The following CDH12 variants were observed in gnomAD, a reference collection of about 807,000 sequenced individuals.
CDH12 encodes the protein cadherin 12.
Under a neutral mutation model 74.1 loss-of-function variants are expected in CDH12, and 41 were observed. That is an observed-to-expected ratio of 0.55 (90% CI 0.43 to 0.72). The LOEUF (loss-of-function observed/expected upper bound fraction) is 0.72. Among genes scored for constraint, CDH12 ranks in the 30% least tolerant of loss-of-function variants. The probability of loss-of-function intolerance (pLI) is 0.00; values close to 1 mark genes in which losing one functional copy is unlikely to be tolerated. For missense variants in CDH12, 945 were observed against 977.2 expected, an observed-to-expected ratio of 0.97 and a Z score of 0.44; for synonymous variants, 399 against 355.0, an observed-to-expected ratio of 1.12 and a Z score of -1.39.
In CDH12 at chr5:22,301,593, A is replaced by G. The variant is rs532631646; in HGVS notation, c.-332-88950T>C. Among the ~76,000 whole-genome samples, 84 of 152,276 alleles carry G rather than the reference A, an allele frequency of 5.5e-4. 1 individual carries two copies. In the South Asian group the frequency reaches 0.017, roughly 31 times the overall value. On this transcript the variant is annotated intron_variant, in intron 3 of 14. Coordinates refer to ENST00000382254, the MANE Select transcript of CDH12 (RefSeq NM_004061.5). ...CCCAATTTTATAATAATGGAAATTT[A>G]GTAACCACCTAAAACAAACATTTTT...
intron 1 of CDH12, among the ~76,000 whole-genome samples, chr5:22,806,316 GTC>G (rs1398944913): frequency 1.3e-5 from 2 of 149,184 alleles, no homozygotes; most frequent in Non-Finnish European, 3.0e-5. Flanking sequence ...CATCTCCAGT[GTC>G]TGTTGTTTTC....
rs944199730 is a variant in CDH12 at position 21,996,770 on chromosome 5, C to A, written c.232-21385G>T. Among the ~76,000 whole-genome samples the A allele has an allele frequency of 1.1e-4, 16 of 152,214 alleles. No individual in the cohort carries two copies. In the East Asian group the frequency reaches 2.9e-3, roughly 28 times the overall value. On this transcript the variant is annotated intron_variant, in intron 5 of 14. Coordinates refer to ENST00000382254, the MANE Select transcript of CDH12 (RefSeq NM_004061.5). ...AAAATACATTACATTAAATGGATTTCATATGTAAATGTGTTACCGCATTTA... is the reference window on the plus strand; with the variant it reads ...AAAATACATTACATTAAATGGATTTAATATGTAAATGTGTTACCGCATTTA...
intron 3 of CDH12, among the ~76,000 whole-genome samples, chr5:22,314,844 T>C (rs1738543874): frequency 6.6e-6 from 1 of 151,460 alleles, no homozygotes; most frequent in Admixed American, 6.6e-5. Context: ...GAATAGGTTA[T>C]TATTTTTTTT....
rs373786260 is a variant in CDH12, at chr5:22,645,902, A to G, written c.-522-140538T>C. ...TATGTACATTTTTAGACATAATACT[A>G]TTGCATACATAATAAATTACAGTAT... On this transcript the variant is annotated intron_variant, in intron 1 of 14. Transcript: ENST00000382254. Among the ~76,000 whole-genome samples the G allele has an allele frequency of 2.9e-4, 44 of 152,030 alleles. No homozygotes were observed. In the South Asian group the frequency reaches 8.9e-3, roughly 31 times the overall value.
chr5:21,990,239 T>A (rs902928707), intron 5 of CDH12, among the ~76,000 whole-genome samples: 1 of 152,146 alleles, frequency 6.6e-6, no homozygotes, highest in African/African-American at 2.4e-5. Context: ...TATAAAGGAA[T>A]GAATGCATGC....
chr5:22,819,122 C>T (rs1749539608), intron 1 of CDH12, among the ~76,000 whole-genome samples: 1 of 152,088 alleles, frequency 6.6e-6, no homozygotes, highest in African/African-American at 2.4e-5. Flanking sequence ...AGGCCAATAA[C>T]TATGTGGTAT....
intron 6 of CDH12, among the ~76,000 whole-genome samples, chr5:21,946,241 C>G (rs1755573378): frequency 6.6e-6 from 1 of 152,046 alleles, no homozygotes; most frequent in African/African-American, 2.4e-5. Flanking sequence ...GTGTTGCTAA[C>G]AAACTTACCT....
At chr5:22,480,660 A>G (rs909015716) in intron 2 of CDH12, among the ~76,000 whole-genome samples, 1 of 152,040 alleles carries the variant, frequency 6.6e-6, no homozygotes, top group African/African-American at 2.4e-5. Context: ...AAAGTGCACA[A>G]TCTTAACCCT....
At chr5:22,810,969 A>ATATATACATATATACTTACC (rs1215653098) in intron 1 of CDH12, among the ~76,000 whole-genome samples, 1 of 151,914 alleles carries the variant, frequency 6.6e-6, no homozygotes, top group African/African-American at 2.4e-5. Flanking sequence ...ATATACTTAC[A>ATATATACATATATACTTACC]TATATACATA....
chr5:21,902,352 C>T (rs764356115), intron 6 of CDH12, among the ~76,000 whole-genome samples: 6 of 151,764 alleles, frequency 4.0e-5, no homozygotes, highest in Non-Finnish European at 5.9e-5. Context: ...CTCTCTGTCT[C>T]ACTCACTGTC....
intron 10 of CDH12, among the ~76,000 whole-genome samples, chr5:21,791,183 T>C (rs1746477640): frequency 6.6e-6 from 1 of 152,068 alleles, no homozygotes; most frequent in African/African-American, 2.4e-5. Context: ...CAGTGCTCTG[T>C]CTATATGTGA....
intron 6 of CDH12, among the ~76,000 whole-genome samples, chr5:21,935,649 T>G (rs1285292998): frequency 2.0e-5 from 3 of 152,250 alleles, no homozygotes; most frequent in Non-Finnish European, 4.4e-5. Context: ...TATTTTTGAC[T>G]ATAGTCACCC....
intron 6 of CDH12, among the ~76,000 whole-genome samples, chr5:21,971,464 T>C (rs751569940): frequency 2.0e-5 from 3 of 152,146 alleles, no homozygotes; most frequent in Non-Finnish European, 2.9e-5. Context: ...TAGAAAATGG[T>C]AAGAATTACT....
intron 1 of CDH12, among the ~76,000 whole-genome samples, chr5:22,613,174 A>G (rs1308441746): frequency 6.6e-6 from 1 of 152,062 alleles, no homozygotes; most frequent in Non-Finnish European, 1.5e-5. Flanking sequence ...CAAATAGGAG[A>G]CAGAAATGGA....
Position 21,755,791 on chromosome 5 carries a change from T to C in CDH12, c.1685A>G (p.Gln562Arg), listed in dbSNP as rs760394805. Residue 562 changes from glutamine (Q) to arginine (R), a missense_variant, in exon 14 of 15, where the codon CAA (glutamine) becomes CGA (arginine). Transcript: ENST00000382254. ...TACAACAGGGAGGAAATACAACTCT[T>C]GCTGCCTGCGGCTGTATCCATTTCT... The part of the protein sequence containing the change: ...TRRNGYSRRQ[Q>R]ELYFLPVVIE... The C allele has an allele frequency of 6.2e-7, 1 of 1,614,046 alleles. No individual in the cohort carries two copies. Among genetic ancestry groups the C allele is most frequent in the South Asian group, 1.1e-5 (1 of 91,080 alleles).
chr5:22,386,117 C>A (rs1315738756), intron 3 of CDH12, among the ~76,000 whole-genome samples: 1 of 152,044 alleles, frequency 6.6e-6, no homozygotes, highest in Admixed American at 6.6e-5. Flanking sequence ...GTCTCAAACT[C>A]CCGACCTCAG....
At chr5:22,463,444 T>G (rs577292757) in intron 2 of CDH12, among the ~76,000 whole-genome samples, 2 of 152,298 alleles carry the variant, frequency 1.3e-5, no homozygotes, top group South Asian at 4.1e-4. Context: ...AAATTACACA[T>G]ATTCAGTGGA....
chr5:22,358,566 T>C (rs1740665213), intron 3 of CDH12, among the ~76,000 whole-genome samples: 1 of 152,162 alleles, frequency 6.6e-6, no homozygotes, highest in Non-Finnish European at 1.5e-5. Context: ...ACACAATATA[T>C]ATAATTGGGC....
intron 1 of CDH12, among the ~76,000 whole-genome samples, chr5:22,798,225 A>G (rs369867494): frequency 1.3e-5 from 2 of 151,996 alleles, no homozygotes; most frequent in East Asian, 3.9e-4. Context: ...TTTGATATCA[A>G]TTTGTCTATC....
Sources: allele counts gnomAD v4.1 joint callset (sites outside exome capture counted in the v4.1 genomes callset), GRCh38; gene constraint gnomAD v4.1.1; transcripts MANE v1.5; gene names NCBI Gene and HGNC (gene_info 2026-07-23, HGNC 2026-07-21).